ASTN2: variants seen among roughly 807,000 people sequenced by gnomAD.
The protein encoded by ASTN2 is astrotactin-2.
Under a neutral mutation model 139.8 loss-of-function variants are expected in ASTN2, and 54 were observed. The observed-to-expected ratio is 0.39, with a 90% CI of 0.31 to 0.48. ASTN2 has a LOEUF of 0.48. ASTN2 is among the 20% of genes least tolerant of loss of function. ASTN2 has a pLI of 0.95. For synonymous variants in ASTN2, 756 were observed against 719.5 expected (o/e 1.05, Z -0.81); for missense variants, 1,565 against 1,725.1 (o/e 0.91, Z 1.64).
At chr9:117,084,379 G>A (rs996066687) in intron 5 of ASTN2, among the ~76,000 whole-genome samples, 1 of 152,146 alleles carries the variant, frequency 6.6e-6, no homozygotes, top group Non-Finnish European at 1.5e-5. Context: ...ATTTGAGCAA[G>A]AGTTACGGTA....
intron 10 of ASTN2, among the ~76,000 whole-genome samples, chr9:116,871,689 C>T (rs2225067): frequency 0.44 from 66,157 of 152,060 alleles, 15,149 homozygotes; most frequent in Non-Finnish European, 0.51. Context: ...TATAGATATT[C>T]CACATTTTAT....
chr9:117,235,015 C>G (rs530033889), intron 2 of ASTN2, among the ~76,000 whole-genome samples: 1 of 152,244 alleles, frequency 6.6e-6, no homozygotes, highest in African/African-American at 2.4e-5. Flanking sequence ...AGGTGGATCA[C>G]CTGAGGTCAG....
chr9:117,015,138 G>A (rs527605121), intron 6 of ASTN2, among the ~76,000 whole-genome samples: 2 of 152,076 alleles, frequency 1.3e-5, no homozygotes, highest in East Asian at 1.9e-4. Context: ...AGCCTCCCAG[G>A]TAGCTAGGAC....
intron 11 of ASTN2, among the ~76,000 whole-genome samples, chr9:116,861,551 G>A (rs996504425): frequency 6.6e-6 from 1 of 152,200 alleles, no homozygotes; most frequent in East Asian, 1.9e-4. Flanking sequence ...AGCTGTTGAT[G>A]TATATCAATC....
chr9:117,122,571 C>T (rs1829584524), intron 4 of ASTN2, among the ~76,000 whole-genome samples: 2 of 152,196 alleles, frequency 1.3e-5, no homozygotes, highest in Admixed American at 1.3e-4. Context: ...GAAGTGTCCA[C>T]ATGGTCATTG....
At chr9:116,634,033 T>C (rs1856937841) in intron 17 of ASTN2, among the ~76,000 whole-genome samples, 1 of 152,176 alleles carries the variant, frequency 6.6e-6, no homozygotes, top group African/African-American at 2.4e-5. Context: ...GCATGGTCAC[T>C]GGAACCAGAC....
chr9:116,941,083 A>T (rs558111652), intron 10 of ASTN2, among the ~76,000 whole-genome samples: 40 of 152,238 alleles, frequency 2.6e-4, no homozygotes, highest in African/African-American at 8.9e-4. Context: ...ACATTCTTTG[A>T]TGTTTGCACA....
chr9:116,849,308 T>G (rs535468300), intron 11 of ASTN2, among the ~76,000 whole-genome samples: 1 of 152,234 alleles, frequency 6.6e-6, no homozygotes, highest in African/African-American at 2.4e-5. Context: ...AGTTCAGAGG[T>G]TGGGGGTGGG....
chr9:116,490,303 A>AAAAAAAAAAG (rs1564314423), intron 19 of ASTN2, among the ~76,000 whole-genome samples: 7 of 104,518 alleles, frequency 6.7e-5, no homozygotes, highest in Admixed American at 3.0e-4. Context: ...AAAAAAAAAA[A>AAAAAAAAAAG]GGGGGCATTG....
chr9:116,766,201 T>C (rs1046236397), intron 13 of ASTN2, among the ~76,000 whole-genome samples: 85 of 152,090 alleles, frequency 5.6e-4, no homozygotes, highest in African/African-American at 1.8e-3. Context: ...CAACCCCCAC[T>C]GGGCCAAACT....
chr9:116,964,617 C>T (rs1835964010), intron 10 of ASTN2, among the ~76,000 whole-genome samples: 1 of 152,166 alleles, frequency 6.6e-6, no homozygotes, highest in African/African-American at 2.4e-5. Flanking sequence ...CCCTTCTAGT[C>T]TGTGAGTTTA....
At chr9:116,430,589 G>A (rs1847465414) in intron 22 of ASTN2, among the ~76,000 whole-genome samples, 1 of 152,158 alleles carries the variant, frequency 6.6e-6, no homozygotes, top group Non-Finnish European at 1.5e-5. Flanking sequence ...AGTCCATAAG[G>A]GCAAGTCACT....
intron 16 of ASTN2, among the ~76,000 whole-genome samples, chr9:116,678,077 A>T (rs564969490): frequency 6.6e-6 from 1 of 152,230 alleles, no homozygotes; most frequent in African/African-American, 2.4e-5. Context: ...TGACTTCAGT[A>T]ATCTTTTGGA....
intron 10 of ASTN2, among the ~76,000 whole-genome samples, chr9:116,950,894 T>C (rs893330268): frequency 7.2e-5 from 11 of 152,132 alleles, no homozygotes; most frequent in African/African-American, 2.7e-4. Flanking sequence ...ATACAACATA[T>C]GGAGGAAGAT....
At chr9:116,530,394 G>A (rs1389379799) in intron 19 of ASTN2, among the ~76,000 whole-genome samples, 1 of 151,238 alleles carries the variant, frequency 6.6e-6, no homozygotes, top group African/African-American at 2.4e-5. Flanking sequence ...TAGTTAGGAA[G>A]AATAAATTTA....
At chr9:117,152,106 TGTG>T (rs760517788) in intron 3 of ASTN2, among the ~76,000 whole-genome samples, 28 of 152,146 alleles carry the variant, frequency 1.8e-4, no homozygotes, top group Non-Finnish European at 3.4e-4. Context: ...CCTCAAGAAT[TGTG>T]GGGTTTCTTC....
intron 20 of ASTN2, among the ~76,000 whole-genome samples, chr9:116,468,431 G>A (rs13298648): frequency 0.19 from 28,733 of 152,186 alleles, 3,325 homozygotes; most frequent in Middle Eastern, 0.28. Flanking sequence ...AGGAATTGGA[G>A]TAGAGTTCTT....
At chr9:116,547,450 C>T (rs1202659201) in intron 19 of ASTN2, 1 of 152,142 alleles carries the variant, frequency 6.6e-6, no homozygotes, top group Non-Finnish European at 1.5e-5. Flanking sequence ...CTGATTCATA[C>T]AAAAACAGTG....
intron 6 of ASTN2, among the ~76,000 whole-genome samples, chr9:117,039,248 C>A (rs1395829344): frequency 6.6e-6 from 1 of 152,002 alleles, no homozygotes; most frequent in Non-Finnish European, 1.5e-5. Context: ...ACTATGAAGC[C>A]ATAAAAAGGA....
Sources: allele counts gnomAD v4.1 joint callset (sites outside exome capture counted in the v4.1 genomes callset), GRCh38; gene constraint gnomAD v4.1.1; transcripts MANE v1.5; gene names NCBI Gene and HGNC (gene_info 2026-07-23, HGNC 2026-07-21).